Variants in TBC1D30 observed in about 807,000 individuals in gnomAD.
TBC1D30 encodes TBC1 domain family, member 30.
TBC1D30 carries 31 observed loss-of-function variants against 63.2 expected under a neutral mutation model. The observed-to-expected ratio is 0.49, with a 90% confidence interval of 0.37 to 0.66. The LOEUF (loss-of-function observed/expected upper bound fraction) is 0.66. TBC1D30 is among the 30% of genes least tolerant of loss of function. TBC1D30 has a pLI of 0.00. For synonymous variants in TBC1D30, 307 were observed against 361.5 expected (o/e 0.85, Z 1.71); for missense variants, 810 against 953.6 (o/e 0.85, Z 1.98).
chr12:64,767,920 G>T (rs1371779785), intron 1 of TBC1D30, among the ~76,000 whole-genome samples: 5 of 151,754 alleles, frequency 3.3e-5, no homozygotes, highest in Non-Finnish European at 7.4e-5. Context: ...GCTGCATTTT[G>T]CATTTCTTAC....
chr12:64,854,018 A>G (rs958371094), intron 8 of TBC1D30, among the ~76,000 whole-genome samples: 17 of 152,066 alleles, frequency 1.1e-4, no homozygotes, highest in African/African-American at 3.6e-4. Context: ...ATTGGGTCCT[A>G]TTTTTTCATC....
At chr12:64,796,370 TTTTG>T (rs1314414882) in intron 2 of TBC1D30, among the ~76,000 whole-genome samples, 1 of 152,110 alleles carries the variant, frequency 6.6e-6, no homozygotes, top group Middle Eastern at 3.2e-3. Context: ...CTCAGGAGTT[TTTTG>T]TTTGTTTTCT....
intron 2 of TBC1D30, among the ~76,000 whole-genome samples, chr12:64,790,853 ACT>A (rs1277754575): frequency 6.6e-6 from 1 of 152,076 alleles, no homozygotes; most frequent in Non-Finnish European, 1.5e-5. Flanking sequence ...TGGCACTAAA[ACT>A]CAACATTTTC....
At chr12:64,842,301 G>T (rs1875953066) in intron 7 of TBC1D30, among the ~76,000 whole-genome samples, 1 of 152,164 alleles carries the variant, frequency 6.6e-6, no homozygotes, top group Admixed American at 6.5e-5. Context: ...GGAGGTTGCA[G>T]CAGGCCAAGA....
chr12:64,839,822 G>A (rs754340907), intron 7 of TBC1D30, among the ~76,000 whole-genome samples: 6 of 151,840 alleles, frequency 4.0e-5, no homozygotes, highest in Admixed American at 1.3e-4. Context: ...TGACTAACAC[G>A]GTGAAACCCC....
At chr12:64,860,509 C>T (rs903048224) in intron 8 of TBC1D30, among the ~76,000 whole-genome samples, 1 of 151,774 alleles carries the variant, frequency 6.6e-6, no homozygotes, top group Non-Finnish European at 1.5e-5. Flanking sequence ...CTTAATGTTA[C>T]GGGCTTCAGC....
At chr12:64,828,200 C>T (rs1477134872) in intron 2 of TBC1D30, among the ~76,000 whole-genome samples, 1 of 152,170 alleles carries the variant, frequency 6.6e-6, no homozygotes, top group Non-Finnish European at 1.5e-5. Flanking sequence ...TTAACCAGAG[C>T]TTCCCAACCA....
intron 8 of TBC1D30, among the ~76,000 whole-genome samples, chr12:64,857,284 G>A (rs909121121): frequency 6.6e-6 from 1 of 152,114 alleles, no homozygotes; most frequent in African/African-American, 2.4e-5. Context: ...CAGGGTCCAA[G>A]GACTCTTTAG....
intron 6 of TBC1D30, 68 bp downstream of exon 6, chr12:64,836,726 T>A (rs1307747536): frequency 7.5e-7 from 1 of 1,333,180 alleles, no homozygotes. Flanking sequence ...CAAATGAGCC[T>A]AAACATTGAA....
At chr12:64,788,583 C>T (rs1370699863) in intron 2 of TBC1D30, among the ~76,000 whole-genome samples, 1 of 152,110 alleles carries the variant, frequency 6.6e-6, no homozygotes, top group Non-Finnish European at 1.5e-5. Flanking sequence ...TTTAAATTTA[C>T]TTGATTTATA....
At chr12:64,821,429 T>G (rs1366380183), upstream of TBC1D30, among the ~76,000 whole-genome samples, 2 of 152,180 alleles carry the variant, frequency 1.3e-5, no homozygotes, top group Non-Finnish European at 2.9e-5. Flanking sequence ...CTTGTCCTCT[T>G]GGCTTGCCTA....
Position 64,844,976 on chromosome 12 carries a change from C to CCAT in TBC1D30, c.1038+1492_1038+1494dup, listed in dbSNP as rs1403779536. The stretch of plus-strand genomic sequence containing the variant: ...CTTCTTTTTATGGCTGAATAGTACT[C>CCAT]CATATTGTATATATACCACATTTTC... On this transcript the variant is annotated intron_variant, in intron 8 of 11. Coordinates refer to ENST00000539867, the MANE Select transcript of TBC1D30 (RefSeq NM_015279.2). Among the ~76,000 whole-genome samples the CCAT allele has an allele frequency of 6.6e-5, 10 of 152,240 alleles. No individual in the cohort carries two copies. In the East Asian group the frequency reaches 1.9e-3, roughly 29 times the overall value.
At position 64,875,069 on chromosome 12, in the gene TBC1D30, T is replaced by C; in HGVS notation, c.1567T>C (p.Leu523=). The change falls in exon 12 of 12, where the codon TTA becomes CTA. Residue 523 remains leucine, a synonymous_variant. Transcript: ENST00000539867. ...TTCTCCAGTTATAAACCACCTTCTT[T>C]TAGGAAAGAAGATGAAAATGACTAA... ...NSSPVINHLL[L]GKKMKMTNRA... is the part of the protein sequence containing the mutation. 2 of 1,536,622 alleles carry C rather than the reference T, an allele frequency of 1.3e-6. No individual in the cohort carries two copies. Among genetic ancestry groups the C allele is most frequent in the Non-Finnish European group, 8.7e-7 (1 of 1,147,012 alleles).
intron 3 of TBC1D30, among the ~76,000 whole-genome samples, chr12:64,829,456 G>C (rs555757986): frequency 1.3e-5 from 2 of 152,236 alleles, no homozygotes; most frequent in East Asian, 3.9e-4. Context: ...TTGGGAGGTA[G>C]AATTACTGTT....
chr12:64,828,773 G>T (rs1464207084), intron 3 of TBC1D30, among the ~76,000 whole-genome samples: 1 of 152,052 alleles, frequency 6.6e-6, no homozygotes, highest in African/African-American at 2.4e-5. Context: ...TATGTCAGAT[G>T]GTAATAAGTG....
chr12:64,781,194 G>C (rs990542192), exon 1 of TBC1D30: 2 of 1,091,018 alleles, frequency 1.8e-6, no homozygotes, highest in South Asian at 2.1e-5. Context: ...GTGGTCCTGG[G>C]CGGCCGCAGC....
At chr12:64,815,470 G>A (rs1220344512) in intron 2 of TBC1D30, among the ~76,000 whole-genome samples, 1 of 152,212 alleles carries the variant, frequency 6.6e-6, no homozygotes, top group Non-Finnish European at 1.5e-5. Context: ...AGGAGGTTCT[G>A]TGAAGAATCC....
intron 8 of TBC1D30, among the ~76,000 whole-genome samples, chr12:64,844,845 A>G (rs1435575189): frequency 6.6e-6 from 1 of 152,152 alleles, no homozygotes; most frequent in Non-Finnish European, 1.5e-5. Flanking sequence ...AAGCTCCCAC[A>G]AATAAGTGAG....
intron 8 of TBC1D30, among the ~76,000 whole-genome samples, chr12:64,858,263 C>G (rs577301211): frequency 5.9e-5 from 9 of 152,270 alleles, no homozygotes; most frequent in African/African-American, 1.2e-4. Context: ...AGTTTTCTGC[C>G]TTTTCTTTTT....
Sources: allele counts gnomAD v4.1 joint callset (sites outside exome capture counted in the v4.1 genomes callset), GRCh38; gene constraint gnomAD v4.1.1; transcripts MANE v1.5; gene names NCBI Gene and HGNC (gene_info 2026-07-23, HGNC 2026-07-21).